The following SYNE2 variants were observed in gnomAD, a reference collection of about 807,000 sequenced individuals.
SYNE2 encodes spectrin repeat containing nuclear envelope protein 2, also known as nesprin-2.
SYNE2 carries 431 observed loss-of-function variants against 856.3 expected under a neutral mutation model. The observed-to-expected ratio is 0.50, with a 90% CI of 0.47 to 0.55. SYNE2 has a LOEUF of 0.55. Ranked by LOEUF, SYNE2 falls within the 20% of genes least tolerant of loss-of-function variation. The pLI, the probability that SYNE2 is intolerant of heterozygous loss-of-function variation, is 0.00. For synonymous variants in SYNE2, 2,923 were observed against 2,872.3 expected, an observed-to-expected ratio of 1.02 and a Z score of -0.56; for missense variants, 8,129 against 8,023.2, an observed-to-expected ratio of 1.01 and a Z score of -0.50.
At chr14:64,074,977 C>G (rs2097446205) in intron 53 of SYNE2, among the ~76,000 whole-genome samples, 1 of 152,086 alleles carries the variant, frequency 6.6e-6, no homozygotes. Flanking sequence ...CTAAGTGTAC[C>G]TCTGAATGAA....
At chr14:64,216,004 G>A (rs1567672073) in intron 107 of SYNE2, 4 of 1,428,848 alleles carry the variant, frequency 2.8e-6, no homozygotes, top group East Asian at 2.7e-5. Context: ...GCTCCAAAAC[G>A]CCACTCATCC....
Position 63,802,679 on chromosome 14 carries a change from A to T in SYNE2, c.-305+40693A>T, listed in dbSNP as rs539170378. Among the ~76,000 whole-genome samples the T allele has an allele frequency of 4.6e-5, 7 of 152,184 alleles. No individual in the cohort carries two copies. In the East Asian group the frequency reaches 1.4e-3, roughly 29 times the overall value. On this transcript the variant is annotated intron_variant, in intron 1 of 23. Coordinates refer to the SYNE2 transcript ENST00000674003. ...TGAAGCCGCAGACCCTCGCGGTGAG[A>T]ATTACATCTCTTAACGTGGCGCGTC...
rs200946949 is a variant in SYNE2, at chr14:64,125,182, G to A, written c.13526G>A (p.Arg4509His). Residue 4509 changes from arginine to histidine, a missense_variant, in exon 71 of 116, where the codon CGC becomes CAC. Physicochemically the swap from Arg to His is conservative, Grantham distance 29. Coordinates refer to ENST00000555002, the MANE Select transcript of SYNE2 (RefSeq NM_182914.3). ...KTYTTQLEDL[R>H]QEASNLQTQE... ...TATACCACCCAACTTGAAGACCTGC[G>A]CCAAGAAGCAAGTAACCTTCAGACA... is the stretch of plus-strand genomic sequence containing the variant. 232 of 1,614,032 alleles carry A rather than the reference G, an allele frequency of 1.4e-4. No homozygotes were observed. The East Asian group carries it at 4.5e-3, about 32-fold the overall frequency.
intron 11 of SYNE2, among the ~76,000 whole-genome samples, chr14:63,968,201 T>G (rs2096422350): frequency 6.6e-6 from 1 of 152,208 alleles, no homozygotes; most frequent in South Asian, 2.1e-4. Flanking sequence ...GCTTTGTTTT[T>G]TTGGATGAGG....
At chr14:64,124,395 TG>T (rs747750538) in intron 70 of SYNE2, among the ~76,000 whole-genome samples, 6 of 138,680 alleles carry the variant, frequency 4.3e-5, no homozygotes, top group Admixed American at 1.4e-4. Context: ...TTTTTTTTTT[TG>T]CAGAGAATGT....
In SYNE2 at chr14:64,139,978, G is replaced by A. The variant is rs1167747913; in HGVS notation, c.14881G>A (p.Glu4961Lys). 6.2e-7 allele frequency: 1 copy of A among 1,614,012 alleles called. No individual in the cohort carries two copies. Among genetic ancestry groups the A allele is most frequent in the Non-Finnish European group, 8.5e-7 (1 of 1,179,972 alleles). The change falls in exon 80 of 116, where the codon GAA becomes AAA. Residue 4961 changes from glutamate to lysine, a missense_variant. Physicochemically the swap from Glu to Lys is moderately conservative, Grantham distance 56. Transcript: ENST00000555002. ...TTCGGATCAGTTAACCAAGTGGTTG[G>A]AATCTTCCCAGCATACTCTGAATTA... ...RDSDQLTKWL[E>K]SSQHTLNYWK...
At chr14:64,195,536 C>A (rs1349305250) in intron 99 of SYNE2, among the ~76,000 whole-genome samples, 3 of 152,180 alleles carry the variant, frequency 2.0e-5, no homozygotes, top group Non-Finnish European at 4.4e-5. Flanking sequence ...ATAAAAGGAA[C>A]TTTTTAAACC....
intron 49 of SYNE2, among the ~76,000 whole-genome samples, chr14:64,057,885 T>C (rs1007174150): frequency 5.3e-5 from 8 of 152,266 alleles, no homozygotes; most frequent in Non-Finnish European, 1.2e-4. Flanking sequence ...GCTGAACACC[T>C]CTTCATATCT....
Position 63,982,669 on chromosome 14 carries a change from G to T in SYNE2, c.1876G>T (p.Ala626Ser), listed in dbSNP as rs766378548. The part of the protein sequence containing the change: ...ETLAQWNLEH[A>S]TLNEAGNFLV... The stretch of plus-strand genomic sequence containing the variant: ...ACTAGCCCAGTGGAATCTAGAACAC[G>T]CTACTTTAAATGAAGCAGGAAATTT... Residue 626 changes from alanine (A) to serine (S), a missense_variant, in exon 17 of 116, where the codon GCT becomes TCT. By Grantham distance (99) the Ala-to-Ser change is moderately conservative. Coordinates refer to ENST00000555002, the MANE Select transcript of SYNE2 (RefSeq NM_182914.3). 1.2e-6 allele frequency: 2 copies of T among 1,613,952 alleles called. No homozygotes were observed. Among genetic ancestry groups the T allele is most frequent in the Admixed American group, 1.7e-5 (1 of 60,002 alleles).
In SYNE2 at chr14:63,787,988, C is replaced by T. The variant is rs555124204; in HGVS notation, c.-305+26002C>T. ...GCCAGTGCCAAGCCGCCCTCAGCCCCCACTTGGCTTCCACTCTCAGCGCCC... is the reference window on the plus strand; with the variant it reads ...GCCAGTGCCAAGCCGCCCTCAGCCCTCACTTGGCTTCCACTCTCAGCGCCC... On this transcript the variant is annotated intron_variant, in intron 1 of 23. Transcript: ENST00000674003. Among the ~76,000 whole-genome samples, 8 of 152,320 alleles carry T rather than the reference C, an allele frequency of 5.3e-5. No individual in the cohort carries two copies. In the East Asian group the frequency reaches 1.2e-3, roughly 22 times the overall value.
In SYNE2 at chr14:63,954,798, C is replaced by A; in HGVS notation, c.670C>A (p.Arg224=). The A allele has an allele frequency of 6.2e-7, 1 of 1,613,868 alleles. No homozygotes were observed. The highest frequency in any genetic ancestry group is 8.5e-7 in the Non-Finnish European group (1 of 1,179,946). Residue 224 remains arginine (R), a synonymous_variant, in exon 8 of 116, where the codon CGA becomes AGA. Transcript: ENST00000555002. ...TTTTTTGGCCATCATTCATGCCTTG[C>A]GACCAGACCTAATTGACATGAAGAG... The part of the protein sequence containing the change: ...MAFLAIIHAL[R]PDLIDMKSVK...
At chr14:64,000,531 G>C in intron 27 of SYNE2, 31 bp from the exon 28 acceptor site, 3 of 1,597,230 alleles carry the variant, frequency 1.9e-6, no homozygotes, top group Non-Finnish European at 1.7e-6. Context: ...AACCCCATTA[G>C]TTGATAAATT....
At chr14:64,148,993 T>TC (rs1248077668) in intron 84 of SYNE2, among the ~76,000 whole-genome samples, 4 of 150,584 alleles carry the variant, frequency 2.7e-5, no homozygotes, top group South Asian at 2.1e-4. Flanking sequence ...TTTTTTTTTT[T>TC]CCACTATTCT....
At chr14:64,048,333 T>C (rs2097200526) in intron 46 of SYNE2, 178 bp downstream of exon 46, 3 of 524,666 alleles carry the variant, frequency 5.7e-6, no homozygotes, top group Non-Finnish European at 9.8e-6. Flanking sequence ...AATCTTTCCA[T>C]TTAGAAAGTA....
chr14:64,109,541 A>G (rs1369314637), intron 65 of SYNE2, among the ~76,000 whole-genome samples: 2 of 152,190 alleles, frequency 1.3e-5, no homozygotes, highest in Non-Finnish European at 2.9e-5. Context: ...TGAGCTTTGA[A>G]CTATTAGGCT....
rs1216290655 is a variant in SYNE2, at chr14:64,138,011, T to G, written c.14843+28T>G. ...CAGCCTTTTTGGGGGTGGATTGGCT[T>G]CATATTGTGCTGTGAAGAAAGACCT... On this transcript the variant is annotated intron_variant, in intron 79 of 115. Coordinates refer to ENST00000555002, the MANE Select transcript of SYNE2 (RefSeq NM_182914.3). The G allele has an allele frequency of 1.9e-6, 3 of 1,602,662 alleles. No individual in the cohort carries two copies. In the South Asian group the frequency reaches 3.3e-5, roughly 18 times the overall value.
chr14:63,974,453 G>C, intron 11 of SYNE2, among the ~76,000 whole-genome samples: 1 of 152,124 alleles, frequency 6.6e-6, no homozygotes, highest in East Asian at 1.9e-4. Context: ...GCACTCATGG[G>C]AACTCAGCTC....
intron 2 of SYNE2, among the ~76,000 whole-genome samples, chr14:63,927,456 G>T (rs1208070495): frequency 6.6e-6 from 1 of 152,174 alleles, no homozygotes; most frequent in Non-Finnish European, 1.5e-5. Flanking sequence ...TTGTGGGAGG[G>T]ACCCAGTGGG....
intron 5 of SYNE2, 33 bp from the exon 6 acceptor site, chr14:63,942,018 T>C: frequency 1.3e-6 from 2 of 1,598,632 alleles, no homozygotes; most frequent in Non-Finnish European, 1.7e-6. Context: ...CTGGGATATT[T>C]CCTCCTTTTA....
Sources: allele counts gnomAD v4.1 joint callset (sites outside exome capture counted in the v4.1 genomes callset), GRCh38; gene constraint gnomAD v4.1.1; transcripts MANE v1.5; gene names NCBI Gene and HGNC (gene_info 2026-07-23, HGNC 2026-07-21).